SBF2: variants seen among roughly 807,000 people sequenced by gnomAD.
SBF2 encodes SET binding factor 2, also known as myotubularin-related protein 13.
In SBF2, 112 loss-of-function variants were observed where a neutral mutation model predicts 225.2. The observed-to-expected ratio is 0.50, with a 90% confidence interval of 0.43 to 0.58. The LOEUF is 0.58. Among genes scored for constraint, SBF2 ranks in the 20% least tolerant of loss-of-function variants. The pLI, the probability that SBF2 is intolerant of heterozygous loss-of-function variation, is 0.00. For synonymous variants in SBF2, 763 were observed against 773.3 expected, an observed-to-expected ratio of 0.99 and a Z score of 0.22; for missense variants, 1,996 against 2,206.2, an observed-to-expected ratio of 0.90 and a Z score of 1.91.
In SBF2 at chr11:9,981,006, T is replaced by C. The variant is rs934759952; in HGVS notation, c.1395+8491A>G. 7.4e-4 allele frequency among the ~76,000 whole-genome samples: 113 copies of C among 152,352 alleles called. 1 individual carries two copies. The highest frequency in any genetic ancestry group is 2.6e-3 in the African/African-American group (109 of 41,580). ...CCTCAAAGAAAGATCACATTCTAAA[T>C]GTAGAACTTAAAACTCAGAAATAAT... On this transcript the variant is annotated intron_variant, in intron 13 of 39. Coordinates refer to ENST00000256190, the MANE Select transcript of SBF2 (RefSeq NM_030962.4).
At chr11:9,953,968 T>C (rs866082608) in intron 16 of SBF2, among the ~76,000 whole-genome samples, 1 of 152,186 alleles carries the variant, frequency 6.6e-6, no homozygotes. Flanking sequence ...ATAAAAAGCT[T>C]TAATTGTATA....
chr11:9,903,229 G>A (rs1211467298), intron 16 of SBF2, among the ~76,000 whole-genome samples: 1 of 152,154 alleles, frequency 6.6e-6, no homozygotes, highest in Non-Finnish European at 1.5e-5. Context: ...GGCTGAGGCA[G>A]GAGAAGGGCG....
chr11:9,965,539 C>T lies in SBF2; in HGVS notation c.1601-1657G>A, dbSNP rs148043105. Among the ~76,000 whole-genome samples the T allele has an allele frequency of 2.6e-5, 4 of 152,220 alleles. No homozygotes were observed. The East Asian group carries it at 5.8e-4, about 22-fold the overall frequency. Reference sequence around the variant, plus strand: ...CCGACCTCAGGTGATACGCCGACCTCGGCCTCCCAAAGTGCTGGGATTACA... The same window carrying T: ...CCGACCTCAGGTGATACGCCGACCTTGGCCTCCCAAAGTGCTGGGATTACA... On this transcript the variant is annotated intron_variant, in intron 14 of 39. Coordinates refer to ENST00000256190, the MANE Select transcript of SBF2 (RefSeq NM_030962.4).
intron 16 of SBF2, chr11:9,959,333 C>G (rs561255724): frequency 1.3e-6 from 1 of 776,638 alleles, no homozygotes; most frequent in Non-Finnish European, 2.4e-6. Context: ...TTAAGATGGA[C>G]CCTGGGGCTC....
In SBF2 at chr11:9,800,023, A is replaced by T. The variant is rs779129145; in HGVS notation, c.4444-4066T>A. ...GAGGCTGAGATGGGTGGATCACTTG[A>T]GGTCAGGAATTTGTGACCAGCCTGG... On this transcript the variant is annotated intron_variant, in intron 32 of 39. Transcript: ENST00000256190. Among the ~76,000 whole-genome samples, 22 of 152,294 alleles carry T rather than the reference A, an allele frequency of 1.4e-4. No homozygotes were observed. The South Asian group carries it at 2.5e-3, about 17-fold the overall frequency.
intron 1 of SBF2, among the ~76,000 whole-genome samples, chr11:10,236,514 C>G (rs1959083514): frequency 6.6e-6 from 1 of 152,090 alleles, no homozygotes; most frequent in Admixed American, 6.5e-5. Context: ...GGCTGGAGTG[C>G]AGTGGCGCGA....
chr11:10,210,885 T>C (rs1957917658), intron 1 of SBF2, among the ~76,000 whole-genome samples: 1 of 151,834 alleles, frequency 6.6e-6, no homozygotes, highest in African/African-American at 2.4e-5. Context: ...TGGTGGCAAG[T>C]GCCTGTAAAC....
intron 1 of SBF2, among the ~76,000 whole-genome samples, chr11:10,276,012 A>G (rs1176350579): frequency 6.6e-6 from 1 of 152,206 alleles, no homozygotes; most frequent in Non-Finnish European, 1.5e-5. Flanking sequence ...AAGAAGCTTG[A>G]AAAAAAGCAA....
intron 16 of SBF2, among the ~76,000 whole-genome samples, chr11:9,908,520 A>G (rs113167272): frequency 0.015 from 2,271 of 150,294 alleles, 48 homozygotes; most frequent in African/African-American, 0.052. Flanking sequence ...CCAGCTACTC[A>G]GGAGGCTGAG....
chr11:10,221,896 C>G (rs1327716788), intron 1 of SBF2, among the ~76,000 whole-genome samples: 1 of 152,166 alleles, frequency 6.6e-6, no homozygotes, highest in Non-Finnish European at 1.5e-5. Flanking sequence ...GTTTTACTAT[C>G]TTGAAGAATC....
At chr11:10,033,881 T>C (rs934020108) in intron 3 of SBF2, among the ~76,000 whole-genome samples, 12 of 152,132 alleles carry the variant, frequency 7.9e-5, no homozygotes, top group Non-Finnish European at 1.6e-4. Flanking sequence ...TGTTTTACAA[T>C]GACAGATTTT....
intron 16 of SBF2, among the ~76,000 whole-genome samples, chr11:9,898,273 T>C (rs1861432365): frequency 6.6e-6 from 1 of 152,210 alleles, no homozygotes; most frequent in Non-Finnish European, 1.5e-5. Flanking sequence ...CTTTTGGTAC[T>C]AGGATCAGCT....
intron 1 of SBF2, among the ~76,000 whole-genome samples, chr11:10,254,499 A>G (rs1377031579): frequency 2.6e-5 from 4 of 152,150 alleles, no homozygotes; most frequent in African/African-American, 9.7e-5. Context: ...TGTTCATTGC[A>G]GCATTATTCA....
intron 39 of SBF2, 64 bp from the exon 40 acceptor site, chr11:9,780,580 G>A: frequency 1.5e-6 from 2 of 1,363,828 alleles, no homozygotes; most frequent in Admixed American, 1.7e-5. Context: ...ATTTGGGTAA[G>A]TGGTAAATCA....
intron 2 of SBF2, among the ~76,000 whole-genome samples, chr11:10,158,086 C>A (rs1226855064): frequency 3.3e-5 from 5 of 151,946 alleles, no homozygotes; most frequent in African/African-American, 9.7e-5. Flanking sequence ...TCTTAAGCAA[C>A]CAATGTATCG....
At position 9,809,093 on chromosome 11, in the gene SBF2, G is replaced by C. The variant is rs771172605; in HGVS notation, c.4156-91C>G. 157 of 908,466 alleles carry C rather than the reference G, an allele frequency of 1.7e-4. 1 individual carries two copies. Among genetic ancestry groups the C allele is most frequent in the Non-Finnish European group, 2.4e-4 (133 of 546,842 alleles). 56.3% of individuals were successfully genotyped at this position (908,466 alleles called of 1,614,324 possible). A position where few individuals can be genotyped will look rare whatever the true frequency, so the allele number is the denominator to read the frequency against. ...TGCTTTCAACCCTGGATAATCAAAC[G>C]ACTTAGGGATAAAGCGCTTGCACAA... On this transcript the variant is annotated intron_variant, in intron 30 of 39. Coordinates refer to ENST00000256190, the MANE Select transcript of SBF2 (RefSeq NM_030962.4).
Position 10,042,625 on chromosome 11 carries a change from T to C in SBF2, c.279+219A>G, listed in dbSNP as rs141154606. Among the ~76,000 whole-genome samples, 19 of 152,366 alleles carry C rather than the reference T, an allele frequency of 1.2e-4. 1 individual carries two copies. The highest frequency in any genetic ancestry group is 4.1e-4 in the African/African-American group (17 of 41,586). On this transcript the variant is annotated intron_variant, in intron 3 of 39. Coordinates refer to ENST00000256190, the MANE Select transcript of SBF2 (RefSeq NM_030962.4). ...CAAGGATGCACTATTTTTAGAAATA[T>C]TCAGATTATGATCAATGTTTTGAAA... is the stretch of plus-strand genomic sequence containing the variant.
Position 9,791,871 on chromosome 11 carries a change from C to A in SBF2, c.4571-1188G>T, listed in dbSNP as rs145060193. The stretch of plus-strand genomic sequence containing the variant: ...TGAGCTGAAACCAGAAGAGGAGATG[C>A]AATACATGGCCCTCTGTTCCTTAGG... On this transcript the variant is annotated intron_variant, in intron 33 of 39. Transcript: ENST00000256190. Among the ~76,000 whole-genome samples, 5 of 152,314 alleles carry A rather than the reference C, an allele frequency of 3.3e-5. No individual in the cohort carries two copies. The East Asian group carries it at 9.6e-4, about 29-fold the overall frequency.
At chr11:10,196,866 A>ATATATATATATATATATTTTTTTTTT in intron 1 of SBF2, among the ~76,000 whole-genome samples, 22 of 99,270 alleles carry the variant, frequency 2.2e-4, no homozygotes, top group Admixed American at 5.2e-4. Flanking sequence ...ATATATATAT[A>ATATATATATATATATATTTTTTTTTT]TTTTTTTTTT....
Sources: allele counts gnomAD v4.1 joint callset (sites outside exome capture counted in the v4.1 genomes callset), GRCh38; gene constraint gnomAD v4.1.1; transcripts MANE v1.5; gene names NCBI Gene and HGNC (gene_info 2026-07-23, HGNC 2026-07-21).